Variants in UBE2E3 observed in about 807,000 individuals in gnomAD.
The protein encoded by UBE2E3 is ubiquitin conjugating enzyme E2 E3, also known as ubiquitin-conjugating enzyme E2 E3.
A neutral mutation model predicts 23.6 loss-of-function variants in UBE2E3; 5 were observed. The observed-to-expected ratio is 0.21, with a 90% confidence interval of 0.11 to 0.44. UBE2E3 has a LOEUF of 0.44. UBE2E3 is among the 20% of genes least tolerant of loss of function. The pLI, the probability that UBE2E3 is intolerant of heterozygous loss-of-function variation, is 0.99. For missense variants in UBE2E3, 81 were observed against 249.8 expected (o/e 0.32, Z 4.55); for synonymous variants, 78 against 87.5 (o/e 0.89, Z 0.60).
rs188509965 is a variant in UBE2E3, at chr2:181,054,272, A to G, written c.246-3421A>G. ...GTTTATGTTTGTAACAAGATTGCCA[A>G]ACTGTCTTCCAAAGTGGACATCCAG... On this transcript the variant is annotated intron_variant, in intron 3 of 5. Coordinates refer to ENST00000410062, the MANE Select transcript of UBE2E3 (RefSeq NM_006357.4). 2.6e-5 allele frequency among the ~76,000 whole-genome samples: 4 copies of G among 152,024 alleles called. No individual in the cohort carries two copies. The East Asian group carries it at 7.8e-4, about 30-fold the overall frequency.
intron 3 of UBE2E3, among the ~76,000 whole-genome samples, chr2:181,004,816 G>A (rs13425173): frequency 6.6e-6 from 1 of 152,126 alleles, no homozygotes; most frequent in Non-Finnish European, 1.5e-5. Flanking sequence ...CGTAGTAGGT[G>A]ACAACTAAGG....
chr2:181,025,384 G>A (rs1342704127), intron 3 of UBE2E3, among the ~76,000 whole-genome samples: 1 of 121,622 alleles, frequency 8.2e-6, no homozygotes, highest in African/African-American at 3.1e-5. Flanking sequence ...CATTGATTTT[G>A]TCATTGAAGA....
chr2:181,003,731 G>A (rs780913977), intron 3 of UBE2E3, among the ~76,000 whole-genome samples: 5 of 152,082 alleles, frequency 3.3e-5, no homozygotes, highest in Non-Finnish European at 7.4e-5. Flanking sequence ...TTTTATTGCC[G>A]TTTACTTTTT....
chr2:180,994,139 A>G (rs183160042), intron 3 of UBE2E3, among the ~76,000 whole-genome samples: 42 of 152,248 alleles, frequency 2.8e-4, no homozygotes, highest in Middle Eastern at 6.8e-3. Flanking sequence ...CATTTTTCTC[A>G]TCTTCCCAGG....
At position 181,060,831 on chromosome 2, in the gene UBE2E3, A is replaced by G; in HGVS notation, c.526+19A>G. On this transcript the variant is annotated intron_variant, in intron 5 of 5. Transcript: ENST00000410062. ...AACCCTGGTAAGCAAATCTTTATTA[A>G]CATGTACAATAAGACTACAAAAACG... The G allele has an allele frequency of 7.0e-7, 1 of 1,437,862 alleles. No homozygotes were observed. Among genetic ancestry groups the G allele is most frequent in the Non-Finnish European group, 9.4e-7 (1 of 1,058,744 alleles). 89.1% of individuals were successfully genotyped at this position (1,437,862 alleles called of 1,614,324 possible).
rs1189887362 is a variant in UBE2E3, at chr2:180,989,866, T to C, written c.245+5773T>C. 3.9e-6 allele frequency: 6 copies of C among 1,541,388 alleles called. No individual in the cohort carries two copies. In the Admixed American group the frequency reaches 7.9e-5, roughly 20 times the overall value. On this transcript the variant is annotated intron_variant, in intron 3 of 5. Transcript: ENST00000410062. ...ATGAGTTGCTGTAACAACAGATGGA[T>C]ATGTTTACTTTTCAGGAAAATCAGC...
At chr2:180,992,056 C>T (rs56057941) in intron 3 of UBE2E3, among the ~76,000 whole-genome samples, 35,282 of 152,042 alleles carry the variant, frequency 0.23, 4,467 homozygotes, top group Non-Finnish European at 0.28. Flanking sequence ...AGGGTATTTT[C>T]ATTTGCTTTG....
At chr2:180,989,730 G>A (rs1461008917) in intron 3 of UBE2E3, among the ~76,000 whole-genome samples, 1 of 152,136 alleles carries the variant, frequency 6.6e-6, no homozygotes, top group Non-Finnish European at 1.5e-5. Flanking sequence ...TAGAAGGTGG[G>A]TAAAACAGCA....
In UBE2E3 at chr2:181,042,884, C is replaced by T. The variant is rs550044792; in HGVS notation, c.246-14809C>T. On this transcript the variant is annotated intron_variant, in intron 3 of 5. Transcript: ENST00000410062. ...GAGAAAAATTGAGTAATTTGCACAA[C>T]GTCACACATCTGGTAAATGCAACCA... is the stretch of plus-strand genomic sequence containing the variant. Among the ~76,000 whole-genome samples the T allele has an allele frequency of 1.7e-4, 26 of 152,300 alleles. No individual in the cohort carries two copies. In the South Asian group the frequency reaches 5.2e-3, roughly 30 times the overall value.
intron 3 of UBE2E3, among the ~76,000 whole-genome samples, chr2:181,008,752 G>C (rs1685228249): frequency 6.6e-6 from 1 of 152,204 alleles, no homozygotes; most frequent in South Asian, 2.1e-4. Context: ...AGCACTGGGT[G>C]TGCCTAAGTC....
At chr2:181,007,611 G>T (rs566466092) in intron 3 of UBE2E3, among the ~76,000 whole-genome samples, 2 of 152,022 alleles carry the variant, frequency 1.3e-5, no homozygotes, top group East Asian at 3.9e-4. Context: ...CCTTCCATTG[G>T]TTGAACTTTG....
chr2:180,995,268 C>T (rs1427662415), intron 3 of UBE2E3, among the ~76,000 whole-genome samples: 3 of 152,048 alleles, frequency 2.0e-5, no homozygotes, highest in Admixed American at 6.6e-5. Context: ...CATGACTTTA[C>T]AAGAAAAAGT....
intron 3 of UBE2E3, among the ~76,000 whole-genome samples, chr2:181,035,077 C>G (rs61483341): frequency 0.23 from 35,337 of 151,982 alleles, 4,483 homozygotes; most frequent in Non-Finnish European, 0.28. Flanking sequence ...GTAAACTATT[C>G]GGATCACTTA....
intron 3 of UBE2E3, among the ~76,000 whole-genome samples, chr2:181,012,877 G>A (rs1685377251): frequency 6.6e-6 from 1 of 152,104 alleles, no homozygotes; most frequent in South Asian, 2.1e-4. Flanking sequence ...AATATTTATG[G>A]AGCCCCTACT....
At chr2:181,055,835 C>T (rs1032837607) in intron 3 of UBE2E3, among the ~76,000 whole-genome samples, 1 of 151,508 alleles carries the variant, frequency 6.6e-6, no homozygotes, top group Non-Finnish European at 1.5e-5. Flanking sequence ...GAGTTTAAGG[C>T]GTATGAGTCG....
At chr2:181,005,123 T>C (rs13390403) in intron 3 of UBE2E3, among the ~76,000 whole-genome samples, 99 of 152,358 alleles carry the variant, frequency 6.5e-4, no homozygotes, top group African/African-American at 2.3e-3. Context: ...TTGGCTCACA[T>C]AACTGATAAA....
chr2:181,061,829 A>G (rs1401552996), intron 5 of UBE2E3, among the ~76,000 whole-genome samples: 1 of 150,830 alleles, frequency 6.6e-6, no homozygotes, highest in Non-Finnish European at 1.5e-5. Flanking sequence ...GTCACTAAAG[A>G]CTGTTACTGT....
At chr2:181,061,519 A>G (rs1419005500) in intron 5 of UBE2E3, among the ~76,000 whole-genome samples, 2 of 151,604 alleles carry the variant, frequency 1.3e-5, no homozygotes, top group African/African-American at 4.8e-5. Context: ...AACTACTTTA[A>G]TAATAGAAGG....
intron 3 of UBE2E3, among the ~76,000 whole-genome samples, chr2:181,030,604 A>G (rs1367946935): frequency 5.9e-5 from 9 of 151,738 alleles, no homozygotes; most frequent in African/African-American, 2.2e-4. Flanking sequence ...TTTATTTTTT[A>G]TTTTTGATTC....
Sources: allele counts gnomAD v4.1 joint callset (sites outside exome capture counted in the v4.1 genomes callset), GRCh38; gene constraint gnomAD v4.1.1; transcripts MANE v1.5; gene names NCBI Gene and HGNC (gene_info 2026-07-23, HGNC 2026-07-21).